RBFOX1: variants seen among roughly 807,000 people sequenced by gnomAD.
RBFOX1 encodes the protein RNA binding protein fox-1 homolog 1.
Under a neutral mutation model 57.7 loss-of-function variants are expected in RBFOX1, and 8 were observed. That is an observed-to-expected ratio of 0.14 (90% confidence interval 0.08 to 0.25). RBFOX1 has a LOEUF of 0.25. Ranked by LOEUF, RBFOX1 falls within the 10% of genes least tolerant of loss-of-function variation. The probability of loss-of-function intolerance (pLI) is 1.00; values close to 1 mark genes in which losing one functional copy is unlikely to be tolerated. For missense variants in RBFOX1, 611 were observed against 548.5 expected (o/e 1.11, Z -1.14); for synonymous variants, 326 against 222.4 (o/e 1.47, Z -4.15).
intron 1 of RBFOX1, among the ~76,000 whole-genome samples, chr16:6,258,462 C>T (rs184375596): frequency 2.6e-5 from 4 of 152,194 alleles, no homozygotes; most frequent in Non-Finnish European, 4.4e-5. Context: ...GTGCATGTAC[C>T]GATGAATTTT....
At chr16:5,628,394 A>C (rs1372403680) in intron 3 of RBFOX1, among the ~76,000 whole-genome samples, 1 of 152,046 alleles carries the variant, frequency 6.6e-6, no homozygotes, top group Admixed American at 6.6e-5. Flanking sequence ...TCTCCATTGA[A>C]AGCTCAGTCA....
chr16:5,737,951 C>T (rs1326666353), intron 3 of RBFOX1, among the ~76,000 whole-genome samples: 5 of 152,072 alleles, frequency 3.3e-5, no homozygotes, highest in African/African-American at 4.8e-5. Flanking sequence ...TGGCTGGCTG[C>T]ACCCGCCAAC....
At chr16:6,974,025 G>T (rs554651660) in intron 3 of RBFOX1, among the ~76,000 whole-genome samples, 28 of 152,276 alleles carry the variant, frequency 1.8e-4, no homozygotes, top group African/African-American at 6.5e-4. Context: ...AGAACATATA[G>T]TATTTGGTTT....
intron 1 of RBFOX1, among the ~76,000 whole-genome samples, chr16:5,322,364 C>G (rs572606855): frequency 6.6e-6 from 1 of 152,154 alleles, no homozygotes; most frequent in Non-Finnish European, 1.5e-5. Context: ...GTTCTAGGAA[C>G]TGGCTTGTGT....
intron 2 of RBFOX1, among the ~76,000 whole-genome samples, chr16:6,374,267 A>C (rs2152900603): frequency 6.6e-6 from 1 of 152,278 alleles, no homozygotes; most frequent in East Asian, 1.9e-4. Context: ...TGTAATTAGG[A>C]GACAAACTTT....
chr16:6,431,416 C>T (rs1399705852), intron 2 of RBFOX1, among the ~76,000 whole-genome samples: 1 of 152,006 alleles, frequency 6.6e-6, no homozygotes, highest in African/African-American at 2.4e-5. Flanking sequence ...GTTTTGGTGG[C>T]ATGCAGTGAC....
chr16:5,821,095 C>T (rs944158695), intron 3 of RBFOX1, among the ~76,000 whole-genome samples: 1 of 152,068 alleles, frequency 6.6e-6, no homozygotes, highest in African/African-American at 2.4e-5. Context: ...CTCTGCAGCA[C>T]ACCCCCATCA....
At chr16:6,261,023 C>T (rs73531465) in intron 1 of RBFOX1, among the ~76,000 whole-genome samples, 21,897 of 152,200 alleles carry the variant, frequency 0.14, 2,479 homozygotes, top group African/African-American at 0.31. Flanking sequence ...ATTATGAAGA[C>T]TATCTTTTGC....
chr16:7,174,600 G>T (rs972672031), intron 4 of RBFOX1, among the ~76,000 whole-genome samples: 1 of 152,118 alleles, frequency 6.6e-6, no homozygotes, highest in Admixed American at 6.5e-5. Context: ...GGTGTAGGTG[G>T]TGAAACCCCA....
chr16:6,986,436 T>G (rs755911193), intron 3 of RBFOX1, among the ~76,000 whole-genome samples: 1 of 151,932 alleles, frequency 6.6e-6, no homozygotes, highest in Non-Finnish European at 1.5e-5. Flanking sequence ...TGACCTCAAG[T>G]GATCCCCCTG....
At chr16:6,561,486 A>G (rs987827964) in intron 2 of RBFOX1, among the ~76,000 whole-genome samples, 3 of 152,218 alleles carry the variant, frequency 2.0e-5, no homozygotes, top group Non-Finnish European at 2.9e-5. Context: ...TTGTTAGTCT[A>G]TCAGGCTGAC....
At position 7,136,475 on chromosome 16, in the gene RBFOX1, T is replaced by TG. The variant is rs1282640667; in HGVS notation, c.27+84379dup. ...AGGCTGGAGGGCAGTGGTGCAATGA[T>TG]GGTGCAATACAGCCTTAAACTCCTG... On this transcript the variant is annotated intron_variant, in intron 4 of 15. Coordinates refer to ENST00000550418, the MANE Select transcript of RBFOX1 (RefSeq NM_018723.4). 2.0e-5 allele frequency among the ~76,000 whole-genome samples: 3 copies of TG among 148,902 alleles called. No homozygotes were observed. In the Admixed American group the frequency reaches 2.0e-4, roughly 10 times the overall value.
chr16:6,001,676 G>A (rs2152329826), intron 4 of RBFOX1, among the ~76,000 whole-genome samples: 1 of 152,282 alleles, frequency 6.6e-6, no homozygotes, highest in East Asian at 1.9e-4. Flanking sequence ...TAATTAGGAT[G>A]TTAATGTTTT....
At chr16:6,507,660 T>C (rs1381635262) in intron 2 of RBFOX1, among the ~76,000 whole-genome samples, 1 of 152,086 alleles carries the variant, frequency 6.6e-6, no homozygotes, top group African/African-American at 2.4e-5. Flanking sequence ...AGAAATCCTG[T>C]TATATGTCCA....
chr16:7,272,087 G>T (rs541210542), intron 4 of RBFOX1, among the ~76,000 whole-genome samples: 2 of 152,122 alleles, frequency 1.3e-5, no homozygotes, highest in Non-Finnish European at 2.9e-5. Context: ...TATCCCCATT[G>T]TCGGCGTTTG....
intron 2 of RBFOX1, among the ~76,000 whole-genome samples, chr16:6,426,198 G>C (rs900387075): frequency 1.3e-5 from 2 of 150,076 alleles, no homozygotes; most frequent in Non-Finnish European, 3.0e-5. Context: ...CCTTCGTTCT[G>C]TCCCTCTTTC....
intron 2 of RBFOX1, among the ~76,000 whole-genome samples, chr16:6,393,000 A>T (rs1248423191): frequency 6.6e-6 from 1 of 151,888 alleles, no homozygotes; most frequent in African/African-American, 2.4e-5. Flanking sequence ...CAGACAAGGA[A>T]CTCCTGTCTT....
intron 4 of RBFOX1, among the ~76,000 whole-genome samples, chr16:7,204,869 T>C (rs543720912): frequency 6.6e-6 from 1 of 152,216 alleles, no homozygotes; most frequent in Admixed American, 6.5e-5. Flanking sequence ...ACTCCTTGGT[T>C]TTCTGTTCTT....
intron 4 of RBFOX1, among the ~76,000 whole-genome samples, chr16:7,079,445 A>T (rs2058820000): frequency 6.6e-6 from 1 of 152,212 alleles, no homozygotes; most frequent in African/African-American, 2.4e-5. Context: ...TACACTGTGT[A>T]CCTGCATTTT....
Sources: gnomAD v4.1 joint callset for allele counts (sites outside exome capture counted in the v4.1 genomes callset) on GRCh38, gnomAD v4.1.1 for gene constraint, MANE v1.5 for transcripts, NCBI Gene and HGNC (gene_info 2026-07-23, HGNC 2026-07-21) for gene names.